Variants in SNX27 observed in about 807,000 individuals in gnomAD.
SNX27 encodes sorting nexin-27.
Under a neutral mutation model 71.6 loss-of-function variants are expected in SNX27, and 22 were observed. The observed-to-expected ratio is 0.31, with a 90% CI of 0.22 to 0.44. The LOEUF is 0.44. Ranked by LOEUF, SNX27 falls within the 20% of genes least tolerant of loss-of-function variation. The pLI is 1.00. For synonymous variants in SNX27, 269 were observed against 277.2 expected (o/e 0.97, Z 0.29); for missense variants, 531 against 698.6 (o/e 0.76, Z 2.70).
In SNX27 at chr1:151,695,218, C is replaced by G. The variant is rs1206804660; in HGVS notation, c.*801C>G. 1 of 152,290 alleles carries G rather than the reference C, an allele frequency of 6.6e-6. No individual in the cohort carries two copies. The highest frequency in any genetic ancestry group is 1.5e-5 in the Non-Finnish European group (1 of 68,006). The allele number at this position is 152,290 out of a possible 1,614,324, so 9.4% of individuals were successfully genotyped here. ...AGAGCCTGAAGTCCTGGTATGGGCT[C>G]TTGATTCTGTGACAATTTTTTTGAT... On this transcript the variant is annotated 3_prime_UTR_variant, in exon 12 of 12. Transcript: ENST00000458013.
intron 2 of SNX27, among the ~76,000 whole-genome samples, chr1:151,645,494 G>T (rs113639820): frequency 1.3e-5 from 2 of 152,152 alleles, no homozygotes; most frequent in African/African-American, 4.8e-5. Context: ...AAGCTGTGTC[G>T]CCTTCTGTGG....
Position 151,698,842 on chromosome 1 carries a change from G to A in SNX27, c.*4425G>A, listed in dbSNP as rs1671907257. 6.6e-6 allele frequency: 1 copy of A among 152,512 alleles called. No homozygotes were observed. The highest frequency in any genetic ancestry group is 1.5e-5 in the Non-Finnish European group (1 of 68,024). 9.4% of individuals were successfully genotyped at this position (152,512 alleles called of 1,614,324 possible). A position where few individuals can be genotyped will look rare whatever the true frequency, so the allele number is the denominator to read the frequency against. On this transcript the variant is annotated 3_prime_UTR_variant, in exon 12 of 12. Transcript: ENST00000458013. The stretch of plus-strand genomic sequence containing the variant: ...GTGAGCTGGGCTTCAGTTTTTCCCA[G>A]GCCATGCACATTTAATTTATTTCAG...
At chr1:151,688,976 C>G (rs1671315427) in intron 8 of SNX27, among the ~76,000 whole-genome samples, 1 of 152,108 alleles carries the variant, frequency 6.6e-6, no homozygotes, top group Non-Finnish European at 1.5e-5. Context: ...ATCGGCTCAC[C>G]AAGGGCACAG....
intron 1 of SNX27, among the ~76,000 whole-genome samples, chr1:151,634,268 C>G (rs999180493): frequency 3.3e-5 from 5 of 152,156 alleles, no homozygotes; most frequent in African/African-American, 7.2e-5. Context: ...TGGGCTGCCT[C>G]TGAGAGACTA....
chr1:151,613,108 G>A (rs1041243259), intron 1 of SNX27: 1 of 152,248 alleles, frequency 6.6e-6, no homozygotes, highest in African/African-American at 2.4e-5. Context: ...CTCTCCTCAT[G>A]GTTACGCTGC....
At chr1:151,646,074 T>C (rs1669021570) in intron 2 of SNX27, among the ~76,000 whole-genome samples, 1 of 152,208 alleles carries the variant, frequency 6.6e-6, no homozygotes. Context: ...TTTATATAAG[T>C]CTCTATCTGT....
At position 151,696,510 on chromosome 1, in the gene SNX27, TTTCG is replaced by T. The variant is rs1671730564; in HGVS notation, c.*2097_*2100del. Reference sequence around the variant, plus strand: ...CTTTCTTTCTTTCTTTCTTTCGTTCTTTCGTTCTTTCGTTCTTTCTTTCTTTCTT... The same window carrying T: ...CTTTCTTTCTTTCTTTCTTTCGTTCTTTCTTTCGTTCTTTCTTTCTTTCTT... On this transcript the variant is annotated 3_prime_UTR_variant, in exon 12 of 12. Coordinates refer to ENST00000458013, the MANE Select transcript of SNX27 (RefSeq NM_001330723.2). 7.0e-6 allele frequency: 1 copy of T among 142,066 alleles called. No individual in the cohort carries two copies. Among genetic ancestry groups the T allele is most frequent in the African/African-American group, 2.8e-5 (1 of 35,466 alleles). The allele number at this position is 142,066 out of a possible 1,614,324, so 8.8% of individuals were successfully genotyped here. A position where few individuals can be genotyped will look rare whatever the true frequency, so the allele number is the denominator to read the frequency against.
chr1:151,691,503 C>T (rs1218113962), intron 8 of SNX27, among the ~76,000 whole-genome samples: 1 of 133,492 alleles, frequency 7.5e-6, no homozygotes, highest in Non-Finnish European at 1.6e-5. Flanking sequence ...CAGAGTCTTG[C>T]TCTGTCTCCC....
chr1:151,659,140 CA>C lies in SNX27; in HGVS notation c.736+714del, dbSNP rs1669839444. Among the ~76,000 whole-genome samples the C allele has an allele frequency of 3.3e-5, 5 of 152,256 alleles. No homozygotes were observed. In the South Asian group the frequency reaches 6.2e-4, roughly 19 times the overall value. On this transcript the variant is annotated intron_variant, in intron 3 of 11. Coordinates refer to ENST00000458013, the MANE Select transcript of SNX27 (RefSeq NM_001330723.2). ...CTACATGAAAACTTTATTCATTTTA[CA>C]GGTATTCATAGATAGGTTTGCTGAG... is the stretch of plus-strand genomic sequence containing the variant.
chr1:151,692,807 A>G, intron 9 of SNX27, 104 bp from the exon 10 acceptor site: 1 of 1,494,814 alleles, frequency 6.7e-7, no homozygotes, highest in South Asian at 1.2e-5. Context: ...CGATGCAGAC[A>G]TCCATTCATT....
chr1:151,694,243 T>A (rs1034542698), intron 11 of SNX27, 127 bp from the exon 12 acceptor site: 2 of 1,471,880 alleles, frequency 1.4e-6, no homozygotes, highest in African/African-American at 2.8e-5. Flanking sequence ...TGAGAAGTTA[T>A]ATCAAGAAAG....
chr1:151,667,614 A>T (rs1168083515), intron 6 of SNX27, among the ~76,000 whole-genome samples: 1 of 151,936 alleles, frequency 6.6e-6, no homozygotes, highest in Non-Finnish European at 1.5e-5. Flanking sequence ...TCACGAGGTC[A>T]GGAGATCGAG....
chr1:151,616,640 AAC>A (rs1443849800), intron 1 of SNX27, among the ~76,000 whole-genome samples: 1 of 152,232 alleles, frequency 6.6e-6, no homozygotes, highest in Non-Finnish European at 1.5e-5. Context: ...TGAGTCATGT[AAC>A]ACAGACTAGG....
intron 2 of SNX27, 74 bp downstream of exon 2, chr1:151,639,193 T>C (rs1406362747): frequency 2.1e-5 from 28 of 1,335,854 alleles, no homozygotes; most frequent in Non-Finnish European, 2.4e-5. Context: ...GAAACTATTA[T>C]AGTGGTAGAT....
chr1:151,686,349 C>G lies in SNX27; in HGVS notation c.1239+2904C>G, dbSNP rs554526121. ...TGTGCTGTGGCAAAATATAGAAAATCTGAATTTAATAAACACAGTAATCTA... is the reference window on the plus strand; with the variant it reads ...TGTGCTGTGGCAAAATATAGAAAATGTGAATTTAATAAACACAGTAATCTA... On this transcript the variant is annotated intron_variant, in intron 8 of 11. Transcript: ENST00000458013. Among the ~76,000 whole-genome samples, 19 of 152,302 alleles carry G rather than the reference C, an allele frequency of 1.2e-4. No homozygotes were observed. The South Asian group carries it at 3.9e-3, about 32-fold the overall frequency.
chr1:151,683,503 T>G, intron 8 of SNX27, 58 bp downstream of exon 8: 1 of 1,281,928 alleles, frequency 7.8e-7, no homozygotes, highest in Non-Finnish European at 1.1e-6. Context: ...TTAAAACCTA[T>G]AGTCCTAGTC....
chr1:151,653,076 T>C (rs1450909152), intron 2 of SNX27, among the ~76,000 whole-genome samples: 2 of 151,968 alleles, frequency 1.3e-5, no homozygotes, highest in Non-Finnish European at 2.9e-5. Context: ...TACAGGCATG[T>C]GCCACCATGC....
intron 5 of SNX27, 37 bp from the exon 6 acceptor site, chr1:151,665,896 A>T: frequency 6.5e-7 from 1 of 1,544,492 alleles, no homozygotes; most frequent in Non-Finnish European, 8.9e-7. Flanking sequence ...TGTCTGACTT[A>T]ATTTTCTTGA....
chr1:151,646,942 A>C (rs1669073390), intron 2 of SNX27, among the ~76,000 whole-genome samples: 2 of 151,606 alleles, frequency 1.3e-5, no homozygotes, highest in South Asian at 2.1e-4. Context: ...AGACACTTAC[A>C]AGAGTATATT....
Sources: allele counts gnomAD v4.1 joint callset (sites outside exome capture counted in the v4.1 genomes callset), GRCh38; gene constraint gnomAD v4.1.1; transcripts MANE v1.5; gene names NCBI Gene and HGNC (gene_info 2026-07-23, HGNC 2026-07-21).